The following TIMP3 variants were observed in gnomAD, a reference collection of about 807,000 sequenced individuals.
TIMP3 encodes the protein TIMP metallopeptidase inhibitor 3.
A neutral mutation model predicts 30.0 loss-of-function variants in TIMP3; 11 were observed. That is an observed-to-expected ratio of 0.37 (90% CI 0.23 to 0.61). The LOEUF (loss-of-function observed/expected upper bound fraction) is 0.61. Ranked by LOEUF, TIMP3 falls within the 20% of genes least tolerant of loss-of-function variation. The pLI is 0.70. For synonymous variants in TIMP3, 112 were observed against 111.3 expected, an observed-to-expected ratio of 1.01 and a Z score of -0.04; for missense variants, 181 against 276.8, an observed-to-expected ratio of 0.65 and a Z score of 2.45.
At chr22:32,845,499 C>T (rs1280254185) in intron 1 of TIMP3, among the ~76,000 whole-genome samples, 1 of 152,132 alleles carries the variant, frequency 6.6e-6, no homozygotes, top group Non-Finnish European at 1.5e-5. Flanking sequence ...CAGCCATAAA[C>T]TTTTAAACCT....
Position 32,859,437 on chromosome 22 carries a change from A to C in TIMP3, c.*60A>C. On this transcript the variant is annotated 3_prime_UTR_variant, in exon 5 of 5. Transcript: ENST00000266085. ...TCCCGCTGAGCTTCCCTTGGACACT[A>C]ACTCTTCCCAGATGATGACAATGAA... is the stretch of plus-strand genomic sequence containing the variant. 5 of 1,553,972 alleles carry C rather than the reference A, an allele frequency of 3.2e-6. No individual in the cohort carries two copies. In the South Asian group the frequency reaches 5.8e-5, roughly 18 times the overall value.
At chr22:32,814,139 T>TGA (rs1357853718) in intron 1 of TIMP3, among the ~76,000 whole-genome samples, 3 of 90,518 alleles carry the variant, frequency 3.3e-5, no homozygotes, top group African/African-American at 4.4e-5. Context: ...TGTGTGTGTG[T>TGA]GTGAGAGAGA....
intron 1 of TIMP3, among the ~76,000 whole-genome samples, chr22:32,809,481 C>G (rs2046854202): frequency 6.6e-6 from 1 of 152,090 alleles, no homozygotes; most frequent in Admixed American, 6.6e-5. Context: ...ACCTCCTAAC[C>G]CAGTGCCCTT....
At chr22:32,826,225 T>C (rs2047408139) in intron 1 of TIMP3, among the ~76,000 whole-genome samples, 1 of 152,274 alleles carries the variant, frequency 6.6e-6, no homozygotes, top group African/African-American at 2.4e-5. Context: ...GGTCAGGAGT[T>C]TGAGACCAGG....
Position 32,847,497 on chromosome 22 carries a change from A to C in TIMP3, c.122-1955A>C, listed in dbSNP as rs1462538862. On this transcript the variant is annotated intron_variant, in intron 1 of 4. Coordinates refer to ENST00000266085, the MANE Select transcript of TIMP3 (RefSeq NM_000362.5). ...GAAGGTCTGAAGGGGCCATTGATTC[A>C]TCTGAACCCTGACTTCATGTCTGAC... 2.6e-5 allele frequency among the ~76,000 whole-genome samples: 4 copies of C among 152,228 alleles called. 1 individual carries two copies. Among genetic ancestry groups the C allele is most frequent in the African/African-American group, 9.6e-5 (4 of 41,460 alleles).
Position 32,859,658 on chromosome 22 carries a change from G to A in TIMP3, c.*281G>A, listed in dbSNP as rs982840376. Reference sequence around the variant, plus strand: ...TGAGGAACCTGTATTCCTCTTCTTCGTGATAATATAATCTCTATTTTTTTA... The same window carrying A: ...TGAGGAACCTGTATTCCTCTTCTTCATGATAATATAATCTCTATTTTTTTA... On this transcript the variant is annotated 3_prime_UTR_variant, in exon 5 of 5. Transcript: ENST00000266085. 1 of 439,646 alleles carries A rather than the reference G, an allele frequency of 2.3e-6. No homozygotes were observed. The highest frequency in any genetic ancestry group is 6.4e-4 in the Middle Eastern group (1 of 1,574). 27.2% of individuals were successfully genotyped at this position (439,646 alleles called of 1,614,324 possible).
intron 2 of TIMP3, among the ~76,000 whole-genome samples, chr22:32,849,854 C>T (rs2048171157): frequency 6.6e-6 from 1 of 152,116 alleles, no homozygotes; most frequent in Admixed American, 6.5e-5. Flanking sequence ...CACTGCCCCT[C>T]TCTGGGCTTT....
chr22:32,802,182 TAGGG>T, intron 1 of TIMP3, 60 bp downstream of exon 1: 1 of 1,534,058 alleles, frequency 6.5e-7, no homozygotes, highest in Non-Finnish European at 8.7e-7. Flanking sequence ...CAGCGCTGCT[TAGGG>T]AGGCAGGGCG....
At chr22:32,818,701 C>T (rs994726911) in intron 1 of TIMP3, among the ~76,000 whole-genome samples, 3 of 152,192 alleles carry the variant, frequency 2.0e-5, no homozygotes, top group African/African-American at 7.2e-5. Flanking sequence ...GCACCATTAA[C>T]TGCAGTCAGA....
intron 1 of TIMP3, among the ~76,000 whole-genome samples, chr22:32,818,188 G>T (rs952258088): frequency 3.1e-4 from 47 of 152,186 alleles, no homozygotes; most frequent in Non-Finnish European, 6.2e-4. Flanking sequence ...GCTGCTCAGA[G>T]CGTTTTGGTG....
chr22:32,847,264 C>T (rs375451880), intron 1 of TIMP3, among the ~76,000 whole-genome samples: 74 of 152,250 alleles, frequency 4.9e-4, no homozygotes, highest in African/African-American at 1.8e-3. Context: ...CCGGGGCCTC[C>T]GGGAGGCTGG....
At chr22:32,824,453 A>C (rs895740840) in intron 1 of TIMP3, among the ~76,000 whole-genome samples, 2 of 152,052 alleles carry the variant, frequency 1.3e-5, no homozygotes, top group African/African-American at 4.8e-5. Flanking sequence ...CCCCGTAGTC[A>C]TATAGGGACT....
chr22:32,827,492 A>T (rs1569256281), intron 1 of TIMP3, among the ~76,000 whole-genome samples: 1 of 152,080 alleles, frequency 6.6e-6, no homozygotes, highest in African/African-American at 2.4e-5. Flanking sequence ...CTCCTCCCGT[A>T]CCTCTGGGCT....
intron 1 of TIMP3, among the ~76,000 whole-genome samples, chr22:32,814,107 C>CGTGT (rs130279): frequency 3.1e-5 from 3 of 97,676 alleles, no homozygotes; most frequent in South Asian, 3.9e-4. Flanking sequence ...AGGCAATACT[C>CGTGT]GTGTGTGTGT....
intron 1 of TIMP3, among the ~76,000 whole-genome samples, chr22:32,825,657 CAAAAAAAAAAAAAAAAAAAAAAAAA>C (rs130292): frequency 4.6e-3 from 132 of 28,600 alleles, no homozygotes; most frequent in South Asian, 0.011. Flanking sequence ...GTTTCCATCT[CAAAAAAAAAAAAAAAAAAAAAAAAA>C]AAAAAAAAAA....
At chr22:32,824,516 G>A (rs887518532) in intron 1 of TIMP3, among the ~76,000 whole-genome samples, 1 of 152,014 alleles carries the variant, frequency 6.6e-6, no homozygotes, top group Admixed American at 6.6e-5. Flanking sequence ...TGAAGAATCA[G>A]GGGTGGGAGG....
chr22:32,823,628 C>T (rs906615409), intron 1 of TIMP3, among the ~76,000 whole-genome samples: 8 of 152,104 alleles, frequency 5.3e-5, no homozygotes, highest in African/African-American at 1.4e-4. Context: ...CTTAGGGGGC[C>T]GTGAGTGCAG....
intron 1 of TIMP3, among the ~76,000 whole-genome samples, chr22:32,845,715 G>T (rs1360008502): frequency 6.6e-6 from 1 of 152,124 alleles, no homozygotes; most frequent in African/African-American, 2.4e-5. Flanking sequence ...GTCCAGCCTG[G>T]CCCATCTGTA....
chr22:32,857,126 T>C (rs1022125761), intron 2 of TIMP3, 123 bp from the exon 3 acceptor site: 11 of 763,868 alleles, frequency 1.4e-5, no homozygotes, highest in Non-Finnish European at 2.6e-5. Context: ...AACATGAGAG[T>C]GCAGACCCCT....
Sources: allele counts gnomAD v4.1 joint callset (sites outside exome capture counted in the v4.1 genomes callset), GRCh38; gene constraint gnomAD v4.1.1; transcripts MANE v1.5; gene names NCBI Gene and HGNC (gene_info 2026-07-23, HGNC 2026-07-21).